The following SYNE2 variants were observed in gnomAD, a reference collection of about 807,000 sequenced individuals.
SYNE2 encodes nesprin-2.
A neutral mutation model predicts 856.3 loss-of-function variants in SYNE2; 431 were observed. The observed-to-expected ratio is 0.50, with a 90% confidence interval of 0.47 to 0.55. The LOEUF (loss-of-function observed/expected upper bound fraction) is 0.55, where lower values mean the gene tolerates loss of function less well. Among genes scored for constraint, SYNE2 ranks in the 20% least tolerant of loss-of-function variants. The pLI is 0.00. For synonymous variants in SYNE2, 2,923 were observed against 2,872.3 expected, an observed-to-expected ratio of 1.02 and a Z score of -0.56; for missense variants, 8,129 against 8,023.2, an observed-to-expected ratio of 1.01 and a Z score of -0.50.
chr14:63,916,424 A>G (rs921063396), intron 2 of SYNE2, among the ~76,000 whole-genome samples: 4 of 152,194 alleles, frequency 2.6e-5, no homozygotes, highest in African/African-American at 7.2e-5. Context: ...ACTTCCTGCA[A>G]TAATCTTTCG....
chr14:64,071,435 A>G (rs560059414), intron 52 of SYNE2, among the ~76,000 whole-genome samples: 1 of 152,246 alleles, frequency 6.6e-6, no homozygotes, highest in African/African-American at 2.4e-5. Flanking sequence ...CAGAGCTTGC[A>G]GTGAGCCGAG....
At chr14:64,194,176 G>A (rs2098530533) in intron 99 of SYNE2, among the ~76,000 whole-genome samples, 1 of 152,210 alleles carries the variant, frequency 6.6e-6, no homozygotes, top group Admixed American at 6.5e-5. Flanking sequence ...TTGTAACTAT[G>A]TAGAACCCAA....
intron 30 of SYNE2, among the ~76,000 whole-genome samples, chr14:64,004,404 C>T (rs1235819286): frequency 1.3e-5 from 2 of 151,740 alleles, no homozygotes; most frequent in East Asian, 1.9e-4. Context: ...GATCTCGGCT[C>T]GCTGCAACCT....
chr14:64,221,950 C>T (rs551581360), intron 112 of SYNE2, among the ~76,000 whole-genome samples: 2 of 152,164 alleles, frequency 1.3e-5, no homozygotes, highest in African/African-American at 2.4e-5. Context: ...TAGGTGCTCT[C>T]GATATCCTGA....
chr14:64,039,045 A>G (rs973959441), intron 45 of SYNE2, among the ~76,000 whole-genome samples: 1 of 152,136 alleles, frequency 6.6e-6, no homozygotes, highest in Non-Finnish European at 1.5e-5. Context: ...TCACATTAAC[A>G]TTTTAGATGT....
chr14:64,060,539 C>T (rs1381110085), intron 49 of SYNE2, among the ~76,000 whole-genome samples: 1 of 152,126 alleles, frequency 6.6e-6, no homozygotes, highest in African/African-American at 2.4e-5. Flanking sequence ...CCTCTTTACT[C>T]TTCCCTCCCC....
At chr14:63,998,593 G>T (rs577693958) in intron 26 of SYNE2, among the ~76,000 whole-genome samples, 1 of 151,894 alleles carries the variant, frequency 6.6e-6, no homozygotes, top group Non-Finnish European at 1.5e-5. Flanking sequence ...ACAGAGTGTC[G>T]TTCTGTCGCC....
intron 77 of SYNE2, among the ~76,000 whole-genome samples, chr14:64,132,984 C>T (rs193195653): frequency 1.3e-5 from 2 of 152,070 alleles, no homozygotes; most frequent in East Asian, 3.9e-4. Flanking sequence ...GGGCAGATCA[C>T]GAGGTCAGGA....
intron 1 of SYNE2, among the ~76,000 whole-genome samples, chr14:63,836,168 TG>T (rs1889853912): frequency 6.6e-6 from 1 of 152,112 alleles, no homozygotes; most frequent in South Asian, 2.1e-4. Flanking sequence ...ACTACAGGCA[TG>T]TGCCACTATG....
chr14:64,146,900 C>G (rs975225314), intron 84 of SYNE2, among the ~76,000 whole-genome samples: 1 of 152,240 alleles, frequency 6.6e-6, no homozygotes, highest in African/African-American at 2.4e-5. Flanking sequence ...ACTGGAAAGT[C>G]TGGCCGGACC....
chr14:64,093,235 G>T (rs2097645008), intron 60 of SYNE2, 114 bp from the exon 61 acceptor site: 1 of 1,174,166 alleles, frequency 8.5e-7, no homozygotes, highest in East Asian at 2.5e-5. Context: ...AAATCTCAAT[G>T]GGTGCATATT....
At chr14:64,122,684 T>C (rs1156506207) in intron 70 of SYNE2, among the ~76,000 whole-genome samples, 1 of 152,146 alleles carries the variant, frequency 6.6e-6, no homozygotes, top group Non-Finnish European at 1.5e-5. Flanking sequence ...GTATTCCCCA[T>C]TAGATGGGGA....
At chr14:64,196,931 C>T (rs1255993) in intron 99 of SYNE2, 8,204 of 152,274 alleles carry the variant, frequency 0.054, 482 homozygotes, top group East Asian at 0.32. Flanking sequence ...GCCAGCCAGC[C>T]GTGCTCACAA....
At chr14:64,120,530 G>A (rs1288565169) in intron 67 of SYNE2, among the ~76,000 whole-genome samples, 2 of 152,142 alleles carry the variant, frequency 1.3e-5, no homozygotes, top group Non-Finnish European at 2.9e-5. Flanking sequence ...TTGGGAGGCT[G>A]AGGCAGGCAG....
chr14:64,218,584 C>G, intron 109 of SYNE2, 72 bp downstream of exon 109: 1 of 1,410,326 alleles, frequency 7.1e-7, no homozygotes, highest in Non-Finnish European at 9.9e-7. Flanking sequence ...AGAGAACATT[C>G]ATTAGATATT....
chr14:63,932,548 A>AG (rs1595717474), intron 2 of SYNE2, among the ~76,000 whole-genome samples: 1 of 151,830 alleles, frequency 6.6e-6, no homozygotes, highest in African/African-American at 2.4e-5. Context: ...CTCCATAAAA[A>AG]AATACGAAAA....
At chr14:64,097,583 C>G (rs559729676) in intron 61 of SYNE2, among the ~76,000 whole-genome samples, 1 of 152,200 alleles carries the variant, frequency 6.6e-6, no homozygotes, top group Non-Finnish European at 1.5e-5. Flanking sequence ...GGCCCTGCCC[C>G]GTGGATCCTG....
rs886043261 is a variant in SYNE2, at chr14:64,218,403, GCTA to G, written c.19552_19554del (p.Leu6519del). The stretch of plus-strand genomic sequence containing the variant: ...TAAAAACTGGCTCATTCTAGGGAAA[GCTA>G]CTATTACCTCCAGGCACGGATGGTG... On this transcript the variant is annotated inframe_deletion, in exon 109 of 116. Coordinates refer to ENST00000555002, the MANE Select transcript of SYNE2 (RefSeq NM_182914.3). 17 of 1,613,820 alleles carry G rather than the reference GCTA, an allele frequency of 1.1e-5. No individual in the cohort carries two copies. The highest frequency in any genetic ancestry group is 1.4e-5 in the Non-Finnish European group (17 of 1,179,976).
In SYNE2 at chr14:64,052,548, G is replaced by C. The variant is rs1283756225; in HGVS notation, c.8635G>C (p.Ala2879Pro). Residue 2879 changes from alanine (A) to proline (P), a missense_variant, in exon 48 of 116, where the codon GCA becomes CCA. This residue lies in a region of SYNE2 where 5,410 missense variants were observed against 5,284.8 expected (regional missense o/e 1.02). Coordinates refer to ENST00000555002, the MANE Select transcript of SYNE2 (RefSeq NM_182914.3). The part of the protein sequence containing the change: ...ELKHHHVTLE[A>P]SQKELQEIDS... The stretch of plus-strand genomic sequence containing the variant: ...AAAACATCACCATGTTACTTTGGAG[G>C]CATCTCAGAAGGAATTGCAAGAAAT... The C allele has an allele frequency of 6.2e-7, 1 of 1,614,136 alleles. No homozygotes were observed. The highest frequency in any genetic ancestry group is 1.7e-5 in the Admixed American group (1 of 60,016).
Sources: allele counts gnomAD v4.1 joint callset (sites outside exome capture counted in the v4.1 genomes callset), GRCh38; gene constraint gnomAD v4.1.1; regional missense constraint gnomAD v4.1.1; transcripts MANE v1.5; gene names NCBI Gene and HGNC (gene_info 2026-07-23, HGNC 2026-07-21).